IL17RC: variants seen among roughly 807,000 people sequenced by gnomAD.
IL17RC encodes the protein interleukin-17 receptor C.
In IL17RC, 53 loss-of-function variants were observed where a neutral mutation model predicts 86.7. The observed-to-expected ratio is 0.61, with a 90% CI of 0.49 to 0.77. The LOEUF is 0.77. Ranked by LOEUF, IL17RC falls within the 30% of genes least tolerant of loss-of-function variation. The pLI, the probability that IL17RC is intolerant of heterozygous loss-of-function variation, is 0.00. For missense variants in IL17RC, 957 were observed against 940.0 expected (o/e 1.02, Z -0.24); for synonymous variants, 439 against 413.1 (o/e 1.06, Z -0.76).
intron 6 of IL17RC, 147 bp from the exon 7 acceptor site, chr3:9,920,778 G>A (rs1276395432): frequency 3.9e-6 from 3 of 771,582 alleles, no homozygotes; most frequent in Non-Finnish European, 4.3e-6. Flanking sequence ...TCCAGCCCCT[G>A]GGGAAGGTTC....
intron 5 of IL17RC, chr3:9,918,920 C>T (rs779621989): frequency 2.0e-5 from 6 of 303,722 alleles, no homozygotes; most frequent in Admixed American, 4.8e-5. Flanking sequence ...AATCACCAAG[C>T]GTTTTTCAGG....
intron 6 of IL17RC, 54 bp downstream of exon 6, chr3:9,920,656 C>A: frequency 4.1e-6 from 5 of 1,214,508 alleles, no homozygotes; most frequent in African/African-American, 1.5e-5. Context: ...CTGGCCATTC[C>A]CCCTCCTGAT....
At chr3:9,918,228 C>G in intron 3 of IL17RC, 107 bp from the exon 4 acceptor site, 1 of 1,321,128 alleles carries the variant, frequency 7.6e-7, no homozygotes, top group Non-Finnish European at 1.0e-6. Flanking sequence ...GTGGTCTCCC[C>G]AGCCCCTGCT....
chr3:9,919,570 C>T (rs1337274245), intron 5 of IL17RC, among the ~76,000 whole-genome samples: 3 of 151,930 alleles, frequency 2.0e-5, no homozygotes, highest in Admixed American at 6.6e-5. Flanking sequence ...GGCGTGAACC[C>T]GGGAGGTGGA....
At chr3:9,929,722 C>A in intron 12 of IL17RC, 130 bp from the exon 13 acceptor site, 2 of 913,420 alleles carry the variant, frequency 2.2e-6, no homozygotes, top group Non-Finnish European at 3.6e-6. Flanking sequence ...CTTGAATCCA[C>A]ATCTGCCTCA....
chr3:9,931,182 C>T (rs963062938), intron 16 of IL17RC, among the ~76,000 whole-genome samples: 1 of 152,206 alleles, frequency 6.6e-6, no homozygotes, highest in South Asian at 2.1e-4. Flanking sequence ...GAGCCAGTCA[C>T]TTACATTTAA....
rs771005857 is a variant in IL17RC at position 9,929,868 on chromosome 3, A to C, written c.1127A>C (p.Lys376Thr). The change falls in exon 13 of 19, where the codon AAG becomes ACG. Residue 376 changes from lysine to threonine, a missense_variant. Lys to Thr is a moderately conservative substitution (Grantham distance 78). Coordinates refer to ENST00000403601, the MANE Select transcript of IL17RC (RefSeq NM_153460.4). ...TCCCAGCAGGTGAACAGCTCGGAGAAGCTGCAGCTGCAGGAGTGCTTGTGG... is the reference window on the plus strand; with the variant it reads ...TCCCAGCAGGTGAACAGCTCGGAGACGCTGCAGCTGCAGGAGTGCTTGTGG... ...NLCVQVNSSE[K>T]LQLQECLWAD... The C allele has an allele frequency of 2.5e-6, 4 of 1,614,144 alleles. No homozygotes were observed. Among genetic ancestry groups the C allele is most frequent in the Admixed American group, 3.3e-5 (2 of 60,018 alleles).
intron 2 of IL17RC, 26 bp downstream of exon 2, chr3:9,917,760 A>C (rs1306169345): frequency 6.2e-7 from 1 of 1,613,524 alleles, no homozygotes; most frequent in East Asian, 2.2e-5. Context: ...TTTAAAAAGA[A>C]TTTCCCAGGT....
At chr3:9,929,753 C>T in intron 12 of IL17RC, 99 bp from the exon 13 acceptor site, 2 of 1,322,340 alleles carry the variant, frequency 1.5e-6, no homozygotes, top group Non-Finnish European at 2.2e-6. Context: ...AGTGCAGATT[C>T]CCAACCCAAC....
chr3:9,932,707 A>T lies in IL17RC; in HGVS notation c.1483+4A>T. ...CTCAAAAAGGATCACGCGAAAGGTG[A>T]GCGCTTCCCGGCTCCCCATTCCCCT... On this transcript the variant is annotated splice_donor_region_variant and intron_variant, in intron 17 of 18. Transcript: ENST00000403601. 1.2e-6 allele frequency: 2 copies of T among 1,614,000 alleles called. No homozygotes were observed. Among genetic ancestry groups the T allele is most frequent in the South Asian group, 1.1e-5 (1 of 91,072 alleles).
At chr3:9,920,797 T>C (rs1056660899) in intron 6 of IL17RC, 128 bp from the exon 7 acceptor site, 6 of 806,454 alleles carry the variant, frequency 7.4e-6, no homozygotes, top group East Asian at 2.6e-5. Flanking sequence ...TCTTTGAGCA[T>C]TGGATAGATG....
chr3:9,925,196 A>G (rs1273852466), intron 9 of IL17RC, among the ~76,000 whole-genome samples: 1 of 140,948 alleles, frequency 7.1e-6, no homozygotes, highest in Non-Finnish European at 1.5e-5. Flanking sequence ...GCTCACTGCA[A>G]GCTGCTTCTC....
Position 9,928,055 on chromosome 3 carries a change from C to G in IL17RC, c.823-111C>G. On this transcript the variant is annotated intron_variant, in intron 9 of 18. Coordinates refer to ENST00000403601, the MANE Select transcript of IL17RC (RefSeq NM_153460.4). ...CAGGTTTTGTAAAAGGCAGGAAGAC[C>G]CAGCAAGTGTTTGTGAAATACCTGC... 2 of 1,006,600 alleles carry G rather than the reference C, an allele frequency of 2.0e-6. 1 individual carries two copies. The highest frequency in any genetic ancestry group is 2.9e-5 in the South Asian group (2 of 69,602). 62.4% of individuals were successfully genotyped at this position (1,006,600 alleles called of 1,614,324 possible).
rs1004208943 is a variant in IL17RC at position 9,933,004 on chromosome 3, G to A, written c.1574G>A (p.Gly525Asp). 2 of 1,570,964 alleles carry A rather than the reference G, an allele frequency of 1.3e-6. No homozygotes were observed. The highest frequency in any genetic ancestry group is 1.4e-5 in the African/African-American group (1 of 73,092). The change falls in exon 19 of 19, where the codon GGT becomes GAT. Residue 525 changes from glycine to aspartate, a missense_variant. Transcript: ENST00000403601. Reference protein sequence around the residue: ...ALLLYSADDSGFERLVGALAS... With the variant: ...ALLLYSADDSDFERLVGALAS... ...CTCCTCTACTCAGCCGATGACTCGG[G>A]TTTCGAGCGCCTGGTGGGCGCCCTG...
At position 9,918,537 on chromosome 3, in the gene IL17RC, C is replaced by G. The variant is rs2083294255; in HGVS notation, c.393C>G (p.Ala131=). The change falls in exon 5 of 19, where the codon GCC becomes GCG. Residue 131 remains alanine, a synonymous_variant. Transcript: ENST00000403601. ...CCCAAGTCGTGCTCTCCTTCCAGGC[C>G]TACCCTACTGCCCGCTGCGTCCTGC... The part of the protein sequence containing the change: ...LQAQVVLSFQ[A]YPTARCVLLE... 12 of 1,614,208 alleles carry G rather than the reference C, an allele frequency of 7.4e-6. No homozygotes were observed. Among genetic ancestry groups the G allele is most frequent in the Non-Finnish European group, 1.0e-5 (12 of 1,180,032 alleles).
At chr3:9,923,763 G>A (rs1465197614) in intron 7 of IL17RC, 118 bp from the exon 8 acceptor site, 7 of 1,117,622 alleles carry the variant, frequency 6.3e-6, no homozygotes, top group Non-Finnish European at 7.8e-6. Context: ...GATGACACAC[G>A]CTCTGCCCTC....
At chr3:9,924,729 A>C (rs1047937822) in intron 9 of IL17RC, among the ~76,000 whole-genome samples, 1 of 152,230 alleles carries the variant, frequency 6.6e-6, no homozygotes, top group African/African-American at 2.4e-5. Context: ...TAATAGTAAC[A>C]GCCTCATGGG....
At chr3:9,917,652 C>T in intron 1 of IL17RC, 61 bp from the exon 2 acceptor site, 1 of 1,613,982 alleles carries the variant, frequency 6.2e-7, no homozygotes, top group South Asian at 1.1e-5. Flanking sequence ...AGGTCTTAGG[C>T]AGAGAACAGT....
chr3:9,928,635 G>C lies in IL17RC; in HGVS notation c.1110+5G>C, dbSNP rs2084339885. On this transcript the variant is annotated splice_donor_5th_base_variant and intron_variant, in intron 12 of 18. Transcript: ENST00000403601. ...CACCCTAACCTCTGTGTTCAGGTCAGAAAGGGGTGCATAGTGCTGGGCTGG... is the reference window on the plus strand; with the variant it reads ...CACCCTAACCTCTGTGTTCAGGTCACAAAGGGGTGCATAGTGCTGGGCTGG... The C allele has an allele frequency of 1.2e-6, 2 of 1,613,556 alleles. No homozygotes were observed. The highest frequency in any genetic ancestry group is 1.7e-6 in the Non-Finnish European group (2 of 1,179,972).
Sources: allele counts gnomAD v4.1 joint callset (sites outside exome capture counted in the v4.1 genomes callset), GRCh38; gene constraint gnomAD v4.1.1; transcripts MANE v1.5; gene names NCBI Gene and HGNC (gene_info 2026-07-23, HGNC 2026-07-21).